The following HMCN1 variants were observed in gnomAD, a reference collection of about 807,000 sequenced individuals.
HMCN1 encodes the protein hemicentin-1.
Under a neutral mutation model 625.9 loss-of-function variants are expected in HMCN1, and 321 were observed. The ratio of observed to expected loss-of-function variants is 0.51; its 90% CI spans 0.47 to 0.56. The LOEUF is 0.56. HMCN1 is among the 20% of genes least tolerant of loss of function. The probability of loss-of-function intolerance (pLI) is 0.00; values close to 1 mark genes in which losing one functional copy is unlikely to be tolerated. For synonymous variants in HMCN1, 2,425 were observed against 2,417.6 expected (o/e 1.00, Z -0.09); for missense variants, 6,588 against 6,887.3 (o/e 0.96, Z 1.54).
intron 86 of HMCN1, among the ~76,000 whole-genome samples, chr1:186,134,230 T>C (rs79597675): frequency 0.09 from 13,637 of 152,230 alleles, 800 homozygotes; most frequent in Non-Finnish European, 0.13. Context: ...TTGAAGTATG[T>C]ACATATGGAA....
intron 11 of HMCN1, 58 bp from the exon 12 acceptor site, chr1:185,962,460 A>C: frequency 1.4e-6 from 2 of 1,410,348 alleles, no homozygotes; most frequent in Non-Finnish European, 1.0e-6. Context: ...TAACATAGGA[A>C]GCTTCTAACA....
At chr1:185,801,335 A>G (rs915381310) in intron 1 of HMCN1, among the ~76,000 whole-genome samples, 3 of 152,206 alleles carry the variant, frequency 2.0e-5, no homozygotes, top group African/African-American at 7.2e-5. Flanking sequence ...GATTAGATCC[A>G]TCCTTCTTCC....
intron 1 of HMCN1, among the ~76,000 whole-genome samples, chr1:185,844,762 T>C (rs755665377): frequency 1.3e-5 from 2 of 152,210 alleles, no homozygotes; most frequent in African/African-American, 4.8e-5. Context: ...AATACATGGA[T>C]TCTCTCTGGG....
chr1:185,741,704 A>C (rs906810013), intron 1 of HMCN1, among the ~76,000 whole-genome samples: 2 of 152,204 alleles, frequency 1.3e-5, no homozygotes, highest in African/African-American at 4.8e-5. Flanking sequence ...GGAAGAACTA[A>C]TTGGTCACTT....
chr1:185,864,744 A>T (rs1571466624), intron 3 of HMCN1, 116 bp downstream of exon 3: 1 of 916,076 alleles, frequency 1.1e-6, no homozygotes, highest in East Asian at 2.6e-5. Context: ...ATCTATCCAC[A>T]TGTATGTTCT....
intron 98 of HMCN1, among the ~76,000 whole-genome samples, chr1:186,165,449 A>T (rs1299394920): frequency 2.0e-5 from 3 of 152,220 alleles, no homozygotes; most frequent in African/African-American, 7.2e-5. Context: ...GATAGTGACT[A>T]AGTATAGATG....
At chr1:185,777,514 C>A (rs183967791) in intron 1 of HMCN1, among the ~76,000 whole-genome samples, 38 of 151,988 alleles carry the variant, frequency 2.5e-4, no homozygotes, top group African/African-American at 8.9e-4. Context: ...TGCAGTGGCA[C>A]GATCTCGCCT....
chr1:185,965,588 AT>A (rs1391585584), intron 13 of HMCN1, among the ~76,000 whole-genome samples: 1 of 151,724 alleles, frequency 6.6e-6, no homozygotes, highest in Non-Finnish European at 1.5e-5. Flanking sequence ...TTTAGTCATT[AT>A]TTTTTTCCTG....
chr1:186,090,787 C>T lies in HMCN1; in HGVS notation c.9757C>T (p.Pro3253Ser). The change falls in exon 64 of 107, where the codon CCA becomes TCA. Residue 3253 changes from proline (P) to serine (S), a missense_variant. Around this residue, in one of 3 missense-constraint regions of HMCN1, gnomAD observed 4,628 missense variants for 4,853.1 expected, o/e 0.95. Coordinates refer to ENST00000271588, the MANE Select transcript of HMCN1 (RefSeq NM_031935.3). The part of the protein sequence containing the change: ...VPPSVAGAEI[P>S]SDVSVLLGEN... ...TCCAAGTGTTGCTGGTGCTGAAATT[C>T]CAAGTGATGTCAGTGTCCTTCTAGG... The T allele has an allele frequency of 6.2e-7, 1 of 1,612,484 alleles. No homozygotes were observed. Among genetic ancestry groups the T allele is most frequent in the Non-Finnish European group, 8.5e-7 (1 of 1,178,974 alleles).
At chr1:185,864,671 A>G in intron 3 of HMCN1, 43 bp downstream of exon 3, 1 of 1,581,838 alleles carries the variant, frequency 6.3e-7, no homozygotes, top group Non-Finnish European at 8.7e-7. Context: ...TAAATGCAGT[A>G]TGTAAGAGAT....
In HMCN1 at chr1:186,125,774, C is replaced by T; in HGVS notation, c.12670C>T (p.Leu4224Phe). ...ATACACTGCTGAACCATATGGAGAA[C>T]TCATTTTAGAAAATGTTGTGGTAAG... ...GKYTAEPYGE[L>F]ILENVVLEDS... The change falls in exon 82 of 107, where the codon CTC becomes TTC. Residue 4224 changes from leucine (L) to phenylalanine (F), a missense_variant. By Grantham distance (22) the Leu-to-Phe change is conservative. This residue lies in a region of HMCN1 where 1,954 missense variants were observed against 2,013.1 expected (regional missense o/e 0.97). Coordinates refer to ENST00000271588, the MANE Select transcript of HMCN1 (RefSeq NM_031935.3). 6.2e-7 allele frequency: 1 copy of T among 1,612,986 alleles called. No homozygotes were observed. The highest frequency in any genetic ancestry group is 8.5e-7 in the Non-Finnish European group (1 of 1,179,192).
Position 186,039,781 on chromosome 1 carries a change from C to G in HMCN1, c.6082C>G (p.Pro2028Ala), listed in dbSNP as rs771301411. 1 of 1,613,364 alleles carries G rather than the reference C, an allele frequency of 6.2e-7. No individual in the cohort carries two copies. The highest frequency in any genetic ancestry group is 1.3e-5 in the African/African-American group (1 of 74,960). Reference sequence around the variant, plus strand: ...CATGGTGGCAGTGGTGGTTAATAACCCGGTGAGGTTAGAATGTGAAGCCAG... The same window carrying G: ...CATGGTGGCAGTGGTGGTTAATAACGCGGTGAGGTTAGAATGTGAAGCCAG... ...NNMVAVVVNN[P>A]VRLECEARGI... The change falls in exon 39 of 107, where the codon CCG becomes GCG. Residue 2028 changes from proline (P) to alanine (A), a missense_variant. By Grantham distance (27) the Pro-to-Ala change is conservative (BLOSUM62 -1). Transcript: ENST00000271588.
chr1:185,967,426 G>C (rs1650488870), intron 14 of HMCN1, among the ~76,000 whole-genome samples: 1 of 152,072 alleles, frequency 6.6e-6, no homozygotes, highest in South Asian at 2.1e-4. Flanking sequence ...ACCGCTCAGT[G>C]GGTTCAATAA....
intron 100 of HMCN1, among the ~76,000 whole-genome samples, chr1:186,169,261 A>G (rs1652073538): frequency 6.6e-6 from 1 of 152,202 alleles, no homozygotes; most frequent in Admixed American, 6.5e-5. Flanking sequence ...AAATGGCCAT[A>G]CTTCCCAATT....
rs866518482 is a variant in HMCN1, at chr1:185,948,881, A to G, written c.1829-13637A>G. Among the ~76,000 whole-genome samples the G allele has an allele frequency of 8.8e-3, 1,342 of 151,850 alleles. 29 individuals are homozygous for G. Among genetic ancestry groups the G allele is most frequent in the African/African-American group, 0.031 (1,268 of 41,256 alleles). Reference sequence around the variant, plus strand: ...GATTAGGGGCGGCGTGGGAACCTAGAGTGGGAGAGATTAAGCTGAAGGGAG... The same window carrying G: ...GATTAGGGGCGGCGTGGGAACCTAGGGTGGGAGAGATTAAGCTGAAGGGAG... On this transcript the variant is annotated intron_variant, in intron 11 of 106. Transcript: ENST00000271588.
chr1:185,773,341 C>A (rs760546759), intron 1 of HMCN1, among the ~76,000 whole-genome samples: 1 of 152,150 alleles, frequency 6.6e-6, no homozygotes, highest in Admixed American at 6.6e-5. Flanking sequence ...TTGATCTAAG[C>A]TAACTATGGT....
chr1:186,041,773 CTT>C (rs199584510), intron 40 of HMCN1, among the ~76,000 whole-genome samples: 2,160 of 152,180 alleles, frequency 0.014, 18 homozygotes, highest in Middle Eastern at 0.037. Context: ...CTCTTTTAGA[CTT>C]TTTTCTGTGG....
intron 1 of HMCN1, among the ~76,000 whole-genome samples, chr1:185,794,601 A>ATTTTTTTTTTTTTTTTTTTTTTTT (rs34098989): frequency 9.0e-6 from 1 of 111,194 alleles, no homozygotes; most frequent in African/African-American, 3.7e-5. Flanking sequence ...GTCTTTACAC[A>ATTTTTTTTTTTTTTTTTTTTTTTT]TTTTTTTTTT....
At chr1:185,927,867 T>C (rs183125392) in intron 9 of HMCN1, among the ~76,000 whole-genome samples, 275 of 152,282 alleles carry the variant, frequency 1.8e-3, no homozygotes, top group Middle Eastern at 3.4e-3. Context: ...ACAGATTAAA[T>C]ATCTATTACT....
Sources: gnomAD v4.1 joint callset for allele counts (sites outside exome capture counted in the v4.1 genomes callset) on GRCh38, gnomAD v4.1.1 for gene constraint, gnomAD v4.1.1 regional missense constraint, MANE v1.5 for transcripts, NCBI Gene and HGNC (gene_info 2026-07-23, HGNC 2026-07-21) for gene names.